Variants in GRIK4 observed in about 807,000 individuals in gnomAD.
GRIK4 encodes glutamate ionotropic receptor kainate type subunit 4, also known as glutamate receptor ionotropic, kainate 4.
Under a neutral mutation model 104.9 loss-of-function variants are expected in GRIK4, and 40 were observed. The ratio of observed to expected loss-of-function variants is 0.38; its 90% CI spans 0.30 to 0.50. GRIK4 has a LOEUF of 0.50. GRIK4 is among the 20% of genes least tolerant of loss of function. The pLI is 0.93. For synonymous variants in GRIK4, 485 were observed against 524.9 expected (o/e 0.92, Z 1.04); for missense variants, 1,047 against 1,308.1 (o/e 0.80, Z 3.08).
chr11:120,780,830 C>T (rs1282053770), intron 3 of GRIK4, among the ~76,000 whole-genome samples: 6 of 152,168 alleles, frequency 3.9e-5, no homozygotes, highest in African/African-American at 1.2e-4. Flanking sequence ...CAAGCTCCGC[C>T]TCCCAGGTTC....
chr11:120,977,426 G>T (rs186081233), intron 19 of GRIK4, among the ~76,000 whole-genome samples: 1 of 152,302 alleles, frequency 6.6e-6, no homozygotes, highest in East Asian at 1.9e-4. Context: ...GATGAATGTC[G>T]ATGTGCTGTG....
intron 3 of GRIK4, among the ~76,000 whole-genome samples, chr11:120,664,714 T>C (rs1039006128): frequency 6.6e-6 from 1 of 152,234 alleles, no homozygotes; most frequent in Admixed American, 6.5e-5. Flanking sequence ...AGTTGAAAGA[T>C]GGAATCATCA....
intron 1 of GRIK4, among the ~76,000 whole-genome samples, chr11:120,637,987 C>A (rs1278794172): frequency 6.6e-6 from 1 of 152,042 alleles, no homozygotes; most frequent in African/African-American, 2.4e-5. Context: ...TCAAGTGATT[C>A]TCCTGTCTCA....
At chr11:120,733,375 T>G (rs201436852) in intron 3 of GRIK4, among the ~76,000 whole-genome samples, 113,062 of 151,262 alleles carry the variant, frequency 0.75, 42,611 homozygotes, top group Middle Eastern at 0.85. Flanking sequence ...TTTTTTCTGT[T>G]TTTTTTTGTG....
chr11:120,556,058 T>A (rs58975551), intron 1 of GRIK4, among the ~76,000 whole-genome samples: 2,100 of 152,190 alleles, frequency 0.014, 32 homozygotes, highest in East Asian at 0.067. Context: ...CAGAGCGCCG[T>A]CTAATGTGGG....
intron 1 of GRIK4, among the ~76,000 whole-genome samples, chr11:120,638,430 C>T (rs182132622): frequency 6.6e-6 from 1 of 151,982 alleles, no homozygotes; most frequent in East Asian, 1.9e-4. Flanking sequence ...CTTCAGAGTC[C>T]ATGATGTTTA....
At chr11:120,547,446 G>A (rs1948096246) in intron 1 of GRIK4, among the ~76,000 whole-genome samples, 1 of 152,178 alleles carries the variant, frequency 6.6e-6, no homozygotes, top group Admixed American at 6.5e-5. Flanking sequence ...TTAGACTCTG[G>A]TCGGCGGTGA....
At chr11:120,637,327 A>AG (rs1949411034) in intron 1 of GRIK4, among the ~76,000 whole-genome samples, 1 of 152,132 alleles carries the variant, frequency 6.6e-6, no homozygotes, top group Non-Finnish European at 1.5e-5. Context: ...ATCCAATGTC[A>AG]GGGTGCCCTG....
chr11:120,660,105 A>G (rs1206470311), intron 2 of GRIK4, among the ~76,000 whole-genome samples, 164 bp from the exon 3 acceptor site: 7 of 152,306 alleles, frequency 4.6e-5, no homozygotes, highest in Non-Finnish European at 7.3e-5. Flanking sequence ...AACCTGCCCC[A>G]TGTCGGTCAC....
chr11:120,789,184 A>T (rs1382967358), intron 3 of GRIK4, among the ~76,000 whole-genome samples: 1 of 152,122 alleles, frequency 6.6e-6, no homozygotes, highest in Non-Finnish European at 1.5e-5. Flanking sequence ...CTGGATCATT[A>T]TCTGGAGAGC....
intron 13 of GRIK4, among the ~76,000 whole-genome samples, chr11:120,919,883 A>C (rs1943189943): frequency 6.6e-6 from 1 of 152,156 alleles, no homozygotes; most frequent in Admixed American, 6.5e-5. Context: ...TGGGGAAGTC[A>C]TTAATGGCAC....
At chr11:120,667,651 G>A (rs561948391) in intron 3 of GRIK4, among the ~76,000 whole-genome samples, 1 of 152,244 alleles carries the variant, frequency 6.6e-6, no homozygotes, top group Non-Finnish European at 1.5e-5. Context: ...CAGCTGTCAG[G>A]CTGTCCCATT....
chr11:120,804,001 C>T (rs757229344), intron 4 of GRIK4, among the ~76,000 whole-genome samples: 3 of 152,180 alleles, frequency 2.0e-5, no homozygotes, highest in Non-Finnish European at 4.4e-5. Context: ...CAGTGCAGTC[C>T]ATGAGACCTC....
At chr11:120,690,509 T>G (rs1950341261) in intron 3 of GRIK4, among the ~76,000 whole-genome samples, 1 of 152,262 alleles carries the variant, frequency 6.6e-6, no homozygotes, top group Non-Finnish European at 1.5e-5. Flanking sequence ...CAATCTCTTT[T>G]TATTCTAAGA....
chr11:120,860,516 A>G (rs1954233701), intron 8 of GRIK4, among the ~76,000 whole-genome samples: 1 of 152,206 alleles, frequency 6.6e-6, no homozygotes, highest in African/African-American at 2.4e-5. Context: ...CACTGCCTTT[A>G]GATGGGATTT....
At chr11:120,527,819 C>G (rs1188698056) in intron 1 of GRIK4, among the ~76,000 whole-genome samples, 3 of 152,224 alleles carry the variant, frequency 2.0e-5, no homozygotes, top group Non-Finnish European at 4.4e-5. Context: ...GGTGGTCCCA[C>G]TCACGGGTGG....
intron 1 of GRIK4, among the ~76,000 whole-genome samples, chr11:120,604,257 C>T (rs1046331687): frequency 2.0e-5 from 3 of 151,964 alleles, no homozygotes; most frequent in African/African-American, 7.3e-5. Context: ...CAGGGCAGCC[C>T]TGCCACAAAG....
intron 1 of GRIK4, among the ~76,000 whole-genome samples, chr11:120,539,654 C>T (rs1449757805): frequency 6.6e-6 from 1 of 152,150 alleles, no homozygotes; most frequent in Non-Finnish European, 1.5e-5. Flanking sequence ...ATTGCCATTA[C>T]CAATATGTCT....
At chr11:120,820,081 C>CTG (rs1451532494) in intron 6 of GRIK4, among the ~76,000 whole-genome samples, 161 bp downstream of exon 6, 8 of 120,342 alleles carry the variant, frequency 6.6e-5, no homozygotes, top group African/African-American at 2.9e-4. Context: ...GCTCATGTGT[C>CTG]CGTGTGTGTG....
Sources: allele counts gnomAD v4.1 joint callset (sites outside exome capture counted in the v4.1 genomes callset), GRCh38; gene constraint gnomAD v4.1.1; transcripts MANE v1.5; gene names NCBI Gene and HGNC (gene_info 2026-07-23, HGNC 2026-07-21).